Variants in TOM1 observed in about 807,000 individuals in gnomAD.
The protein encoded by TOM1 is target of myb1 membrane trafficking protein.
A neutral mutation model predicts 61.3 loss-of-function variants in TOM1; 38 were observed. That is an observed-to-expected ratio of 0.62 (90% CI 0.48 to 0.81). TOM1 has a LOEUF of 0.81. Among genes scored for constraint, TOM1 ranks in the 40% least tolerant of loss-of-function variants. The pLI is 0.00. For missense variants in TOM1, 591 were observed against 659.6 expected (o/e 0.90, Z 1.14); for synonymous variants, 270 against 268.8 (o/e 1.00, Z -0.04).
At chr22:35,304,804 T>C (rs1029416251) in intron 1 of TOM1, among the ~76,000 whole-genome samples, 4 of 152,198 alleles carry the variant, frequency 2.6e-5, no homozygotes, top group African/African-American at 7.2e-5. Flanking sequence ...TAGACAGATA[T>C]CAAGAAACCC....
chr22:35,312,241 C>G (rs1012765584), intron 1 of TOM1, among the ~76,000 whole-genome samples: 2 of 119,794 alleles, frequency 1.7e-5, no homozygotes, highest in African/African-American at 1.2e-4. Context: ...AAGACTCCGT[C>G]TCAAAAAAAA....
In TOM1 at chr22:35,323,549, C is replaced by A. The variant is rs1380938541; in HGVS notation, c.420C>A (p.Ile140=). 6.2e-7 allele frequency: 1 copy of A among 1,614,166 alleles called. No homozygotes were observed. The part of the protein sequence containing the change: ...SSPDLTGVVT[I]YEDLRRKGLE... ...CCGATCTGACAGGTGTGGTCACCAT[C>A]TATGAGGACCTGCGGAGGAAAGGCC... Residue 140 remains isoleucine, a synonymous_variant, in exon 5 of 15, where the codon ATC becomes ATA. Coordinates refer to ENST00000449058, the MANE Select transcript of TOM1 (RefSeq NM_005488.3). The surrounding 1 kb of genome is among the most constrained non-coding windows in gnomAD (Gnocchi z 4.2).
At chr22:35,301,048 CAAAAAAAA>C (rs139553640) in intron 1 of TOM1, among the ~76,000 whole-genome samples, 4 of 111,242 alleles carry the variant, frequency 3.6e-5, no homozygotes, top group African/African-American at 8.3e-5. Context: ...CCCGTCTCTA[CAAAAAAAA>C]AAAAAAAAAA....
intron 1 of TOM1, among the ~76,000 whole-genome samples, chr22:35,309,927 G>A (rs1926673055): frequency 6.6e-6 from 1 of 152,160 alleles, no homozygotes; most frequent in Admixed American, 6.5e-5. Flanking sequence ...GAAGTCCCAG[G>A]GCTACTTCTG....
chr22:35,313,294 C>T (rs776997794), intron 1 of TOM1, among the ~76,000 whole-genome samples: 5 of 151,840 alleles, frequency 3.3e-5, no homozygotes, highest in Non-Finnish European at 7.4e-5. Context: ...TTGCAGTGAG[C>T]CAAGATCGTG....
At chr22:35,308,234 GTCTC>G (rs796065360) in intron 1 of TOM1, among the ~76,000 whole-genome samples, 2 of 147,436 alleles carry the variant, frequency 1.4e-5, no homozygotes, top group African/African-American at 2.5e-5. Flanking sequence ...GTGTGTGTCT[GTCTC>G]TCTCTCTCTC....
At position 35,323,204 on chromosome 22, in the gene TOM1, G is replaced by C. The variant is rs758526638; in HGVS notation, c.366+27G>C. 47 of 1,610,540 alleles carry C rather than the reference G, an allele frequency of 2.9e-5. No homozygotes were observed. The South Asian group carries it at 5.2e-4, about 18-fold the overall frequency. On this transcript the variant is annotated intron_variant, in intron 4 of 14. Coordinates refer to ENST00000449058, the MANE Select transcript of TOM1 (RefSeq NM_005488.3). This position sits in a 1 kb window ranked among gnomAD's most constrained non-coding sequence, Gnocchi z 4.2. ...TGAGTGCCAGGACAGGGCAGGGCAC[G>C]GCCAGGAAGAGCTGTCAGTGCAGGA...
Position 35,310,337 on chromosome 22 carries a change from G to A in TOM1, c.53-7540G>A, listed in dbSNP as rs374837673. Among the ~76,000 whole-genome samples, 85 of 152,320 alleles carry A rather than the reference G, an allele frequency of 5.6e-4. 1 individual carries two copies. Among genetic ancestry groups the A allele is most frequent in the Middle Eastern group, 6.8e-3 (2 of 294 alleles). On this transcript the variant is annotated intron_variant, in intron 1 of 14. Transcript: ENST00000449058. ...TGGGAGGCCAAGACGGGTGGATCAC[G>A]AGGTCAAGAGATCGAGACCATCCTG...
intron 9 of TOM1, 78 bp from the exon 10 acceptor site, chr22:35,333,326 G>A: frequency 2.9e-6 from 4 of 1,363,564 alleles, no homozygotes; most frequent in Admixed American, 3.5e-5. Context: ...GGCAAAGCCT[G>A]CAAGCCACAG....
rs200549769 is a variant in TOM1, at chr22:35,347,158, G to A, written c.1428G>A (p.Ala476=). 66 of 1,613,244 alleles carry A rather than the reference G, an allele frequency of 4.1e-5. No homozygotes were observed. The East Asian group carries it at 8.9e-4, about 22-fold the overall frequency. ...CCCCGGGTCCCCCATCTGGCCCAGC[G>A]CCCCGGAAGAAGACCCAGGAGAAAG... ...EGPPGPPSGP[A]PRKKTQEKDD... The change falls in exon 15 of 15, where the codon GCG becomes GCA. Residue 476 remains alanine (A), a synonymous_variant. Transcript: ENST00000449058.
At chr22:35,331,037 G>A (rs916293196) in intron 8 of TOM1, among the ~76,000 whole-genome samples, 1 of 151,736 alleles carries the variant, frequency 6.6e-6, no homozygotes, top group Admixed American at 6.6e-5. Context: ...TCTCCCCAGG[G>A]TGCTGCCATC....
chr22:35,318,153 A>G (rs1601680570), intron 2 of TOM1, 192 bp downstream of exon 2: 1 of 588,100 alleles, frequency 1.7e-6, no homozygotes, highest in East Asian at 2.8e-5. Flanking sequence ...AGGAATTCAC[A>G]GCTGGCCCCT....
At chr22:35,339,102 G>A (rs531330583) in intron 12 of TOM1, among the ~76,000 whole-genome samples, 10 of 152,122 alleles carry the variant, frequency 6.6e-5, no homozygotes, top group African/African-American at 1.7e-4. Flanking sequence ...AGGCTGAGGC[G>A]GGTGGATCAC....
At chr22:35,338,499 A>G (rs1929576692) in intron 11 of TOM1, among the ~76,000 whole-genome samples, 1 of 152,068 alleles carries the variant, frequency 6.6e-6, no homozygotes, top group South Asian at 2.1e-4. Flanking sequence ...TTGGCCAGCA[A>G]CACCCTCCCT....
Position 35,323,535 on chromosome 22 carries a change from G to C in TOM1, c.406G>C (p.Gly136Arg). 1 of 1,614,172 alleles carries C rather than the reference G, an allele frequency of 6.2e-7. No homozygotes were observed. The highest frequency in any genetic ancestry group is 8.5e-7 in the Non-Finnish European group (1 of 1,180,034). Residue 136 changes from glycine (G) to arginine (R), a missense_variant, in exon 5 of 15, where the codon GGT becomes CGT. Gly to Arg is a moderately radical substitution (Grantham distance 125, BLOSUM62 -2). Coordinates refer to ENST00000449058, the MANE Select transcript of TOM1 (RefSeq NM_005488.3). This position sits in a 1 kb window ranked among gnomAD's most constrained non-coding sequence, Gnocchi z 4.2. ...GTTCCGCAGCTCGCCCGATCTGACA[G>C]GTGTGGTCACCATCTATGAGGACCT... is the stretch of plus-strand genomic sequence containing the variant. ...DAFRSSPDLT[G>R]VVTIYEDLRR...
At chr22:35,345,657 G>A in intron 12 of TOM1, 68 bp from the exon 13 acceptor site, 8 of 1,521,106 alleles carry the variant, frequency 5.3e-6, no homozygotes, top group Non-Finnish European at 7.3e-6. Flanking sequence ...CAGCTGCAGG[G>A]TGCTGAGCTG....
intron 1 of TOM1, among the ~76,000 whole-genome samples, chr22:35,308,940 T>C (rs931767784): frequency 3.9e-5 from 6 of 152,050 alleles, no homozygotes; most frequent in African/African-American, 1.2e-4. Context: ...TGAGGAAGGG[T>C]GGCTCAGCAA....
At chr22:35,334,961 GAGA>G (rs1929174569) in intron 11 of TOM1, among the ~76,000 whole-genome samples, 1 of 152,020 alleles carries the variant, frequency 6.6e-6, no homozygotes, top group African/African-American at 2.4e-5. Flanking sequence ...TTAATTTCCA[GAGA>G]AGATTAAGCA....
At chr22:35,314,372 G>T (rs995538861) in intron 1 of TOM1, among the ~76,000 whole-genome samples, 4 of 152,026 alleles carry the variant, frequency 2.6e-5, no homozygotes, top group African/African-American at 9.7e-5. Context: ...GATTGGCTCT[G>T]CCCACTACTG....
Sources: gnomAD v4.1 joint callset for allele counts (sites outside exome capture counted in the v4.1 genomes callset) on GRCh38, gnomAD v4.1.1 for gene constraint, Gnocchi (gnomAD v3.1) non-coding constraint, MANE v1.5 for transcripts, NCBI Gene and HGNC (gene_info 2026-07-23, HGNC 2026-07-21) for gene names.